FAM228B: variants seen among roughly 807,000 people sequenced by gnomAD.
FAM228B encodes the protein family with sequence similarity 228 member B, also known as protein FAM228B.
FAM228B carries 38 observed loss-of-function variants against 42.6 expected under a neutral mutation model. The observed-to-expected ratio is 0.89, with a 90% CI of 0.69 to 1.17. The LOEUF is 1.17. Ranked by LOEUF, FAM228B falls within the 50% of genes most tolerant of loss-of-function variation. The pLI is 0.00. For synonymous variants in FAM228B, 109 were observed against 122.3 expected (o/e 0.89, Z 0.72); for missense variants, 344 against 367.3 (o/e 0.94, Z 0.52).
chr2:24,146,842 A>G lies in FAM228B; in HGVS notation c.529+7A>G, dbSNP rs1666906284. ...CTTCTTCAGTGTGAGACTGGTACTTAGTTCCTAATTGTTATGTGATTTCAT... is the reference window on the plus strand; with the variant it reads ...CTTCTTCAGTGTGAGACTGGTACTTGGTTCCTAATTGTTATGTGATTTCAT... On this transcript the variant is annotated splice_region_variant and intron_variant, in intron 6 of 10. Coordinates refer to ENST00000615575, the MANE Select transcript of FAM228B (RefSeq NM_001145710.2). 6.5e-7 allele frequency: 1 copy of G among 1,541,518 alleles called. No homozygotes were observed. The highest frequency in any genetic ancestry group is 1.4e-5 in the African/African-American group (1 of 73,002).
At chr2:24,156,882 G>A (rs746344064) in intron 7 of FAM228B, among the ~76,000 whole-genome samples, 13 of 149,622 alleles carry the variant, frequency 8.7e-5, no homozygotes, top group Middle Eastern at 3.4e-3. Context: ...CTCTTCTGCC[G>A]GGTTTGGGTT....
intron 3 of FAM228B, among the ~76,000 whole-genome samples, chr2:24,102,246 T>C (rs1003273794): frequency 6.6e-6 from 1 of 152,234 alleles, no homozygotes; most frequent in Non-Finnish European, 1.5e-5. Flanking sequence ...ACTCAAGTTC[T>C]CAGTTTCTGG....
At chr2:24,081,784 C>A (rs190931734) in intron 2 of FAM228B, among the ~76,000 whole-genome samples, 17 of 151,248 alleles carry the variant, frequency 1.1e-4, no homozygotes, top group African/African-American at 2.7e-4. Flanking sequence ...TGCCCCACCC[C>A]CCCTGCGTTC....
intron 7 of FAM228B, among the ~76,000 whole-genome samples, chr2:24,154,062 G>A (rs552439350): frequency 3.3e-5 from 5 of 152,308 alleles, no homozygotes; most frequent in South Asian, 2.1e-4. Context: ...TGTACCACAC[G>A]GCTATGACTG....
chr2:24,094,264 G>A (rs1665452221), intron 2 of FAM228B, among the ~76,000 whole-genome samples: 1 of 151,892 alleles, frequency 6.6e-6, no homozygotes, highest in Admixed American at 6.6e-5. Flanking sequence ...GTAGAGACAA[G>A]ATCTTTCATG....
chr2:24,098,745 C>A (rs1350114855), intron 3 of FAM228B, among the ~76,000 whole-genome samples: 1 of 152,166 alleles, frequency 6.6e-6, no homozygotes, highest in Non-Finnish European at 1.5e-5. Flanking sequence ...CTATTCCAAT[C>A]AATAGAAAAA....
chr2:24,126,714 C>T (rs1203060086), intron 2 of FAM228B, among the ~76,000 whole-genome samples: 2 of 151,826 alleles, frequency 1.3e-5, no homozygotes, highest in African/African-American at 4.8e-5. Flanking sequence ...CGGTTCACGC[C>T]ATTCTCCTGC....
At chr2:24,167,603 C>A (rs1667455884) in intron 9 of FAM228B, 24 bp from the exon 10 acceptor site, 2 of 1,551,308 alleles carry the variant, frequency 1.3e-6, no homozygotes, top group African/African-American at 1.4e-5. Context: ...AACATAATGA[C>A]CAAAGCTTCA....
chr2:24,151,549 C>T (rs190917479), intron 7 of FAM228B, among the ~76,000 whole-genome samples: 16 of 151,974 alleles, frequency 1.1e-4, no homozygotes, highest in Admixed American at 7.8e-4. Context: ...GCCTTGGCCT[C>T]CCAAAGTTCT....
At chr2:24,119,308 A>G (rs1174053575), upstream of FAM228B, among the ~76,000 whole-genome samples, 1 of 152,204 alleles carries the variant, frequency 6.6e-6, no homozygotes, top group Non-Finnish European at 1.5e-5. Flanking sequence ...GATATCAGCC[A>G]GGAAAGGAAA....
At position 24,146,901 on chromosome 2, in the gene FAM228B, G is replaced by A. The variant is rs765349457; in HGVS notation, c.530-29G>A. ...AGCAATGGCAGATGCATTTAAGGAT[G>A]TTAATTTAGATTTTTATTCTTCCTT... is the stretch of plus-strand genomic sequence containing the variant. On this transcript the variant is annotated intron_variant, in intron 6 of 10. Coordinates refer to ENST00000615575, the MANE Select transcript of FAM228B (RefSeq NM_001145710.2). 187 of 1,546,002 alleles carry A rather than the reference G, an allele frequency of 1.2e-4. No individual in the cohort carries two copies. The Middle Eastern group carries it at 1.7e-3, about 14-fold the overall frequency.
intron 3 of FAM228B, among the ~76,000 whole-genome samples, chr2:24,111,224 C>G (rs1411006854): frequency 6.6e-6 from 1 of 152,156 alleles, no homozygotes; most frequent in Non-Finnish European, 1.5e-5. Flanking sequence ...CCATGCCCAG[C>G]TATTTTTGCA....
At chr2:24,134,594 T>G (rs190506644) in intron 2 of FAM228B, among the ~76,000 whole-genome samples, 1 of 152,350 alleles carries the variant, frequency 6.6e-6, no homozygotes, top group East Asian at 1.9e-4. Flanking sequence ...GGACTCAAAG[T>G]GTCTGTGAGC....
upstream of FAM228B, chr2:24,119,447 A>G (rs978449721): frequency 1.7e-5 from 11 of 650,876 alleles, no homozygotes; most frequent in Admixed American, 1.2e-4. Context: ...GGCTATGTAA[A>G]TAACCTCAGC....
At chr2:24,159,846 G>A (rs560144712) in intron 7 of FAM228B, among the ~76,000 whole-genome samples, 50 of 152,028 alleles carry the variant, frequency 3.3e-4, no homozygotes, top group African/African-American at 1.2e-3. Flanking sequence ...CTTGTTATTT[G>A]GCTTCTATTG....
At chr2:24,155,529 ATATTTTTTTT>A (rs1392979145) in intron 7 of FAM228B, among the ~76,000 whole-genome samples, 45 of 12,640 alleles carry the variant, frequency 3.6e-3, no homozygotes, top group Admixed American at 0.011. Flanking sequence ...ATATATATAT[ATATTTTTTTT>A]TTTTTTTTTT....
upstream of FAM228B, chr2:24,122,631 A>G: frequency 1.2e-6 from 1 of 823,356 alleles, no homozygotes; most frequent in Non-Finnish European, 2.1e-6. Context: ...AAGACACTGC[A>G]GACAGTTCTA....
Position 24,084,264 on chromosome 2 carries a change from G to T in FAM228B, c.-210+3309G>T. 4.3e-6 allele frequency: 7 copies of T among 1,613,996 alleles called. No individual in the cohort carries two copies. The highest frequency in any genetic ancestry group is 5.1e-6 in the Non-Finnish European group (6 of 1,179,948). ...CTTCACCCTCCCCCGGGCTCGGCTT[G>T]GCCACCTCCTTCACGTAGAGGTTTT... is the stretch of plus-strand genomic sequence containing the variant. On this transcript the variant is annotated intron_variant, in intron 2 of 10. Coordinates refer to the FAM228B transcript ENST00000613899. This position sits in a 1 kb window ranked among gnomAD's most constrained non-coding sequence, Gnocchi z 8.4.
chr2:24,125,908 C>G (rs1262555713), intron 2 of FAM228B, among the ~76,000 whole-genome samples: 4 of 152,194 alleles, frequency 2.6e-5, no homozygotes, highest in Non-Finnish European at 4.4e-5. Context: ...AAATTGTATA[C>G]AAATGGAATC....
Sources: gnomAD v4.1 joint callset for allele counts (sites outside exome capture counted in the v4.1 genomes callset) on GRCh38, gnomAD v4.1.1 for gene constraint, Gnocchi (gnomAD v3.1) non-coding constraint, MANE v1.5 for transcripts, NCBI Gene and HGNC (gene_info 2026-07-23, HGNC 2026-07-21) for gene names.